Variants in ATP6V1H observed in about 807,000 individuals in gnomAD.
ATP6V1H encodes V-type proton ATPase subunit H.
In ATP6V1H, 39 loss-of-function variants were observed where a neutral mutation model predicts 71.7. The ratio of observed to expected loss-of-function variants is 0.54; its 90% CI spans 0.42 to 0.71. The LOEUF is 0.71. ATP6V1H is among the 30% of genes least tolerant of loss of function. The pLI is 0.00. For synonymous variants in ATP6V1H, 192 were observed against 199.3 expected (o/e 0.96, Z 0.31); for missense variants, 509 against 594.9 (o/e 0.86, Z 1.50).
In ATP6V1H at chr8:53,758,195, C is replaced by T. The variant is rs531931536; in HGVS notation, c.1176-1539G>A. On this transcript the variant is annotated intron_variant, in intron 11 of 13. Coordinates refer to ENST00000359530, the MANE Select transcript of ATP6V1H (RefSeq NM_015941.4). ...TAAAATTACATTAAATTTAATTCAA[C>T]TGAAACATTTTGATAATTTCAAAAA... Among the ~76,000 whole-genome samples the T allele has an allele frequency of 2.6e-5, 4 of 152,266 alleles. No homozygotes were observed. The South Asian group carries it at 8.3e-4, about 32-fold the overall frequency.
At chr8:53,829,314 T>G in intron 4 of ATP6V1H, 130 bp downstream of exon 4, 2 of 611,178 alleles carry the variant, frequency 3.3e-6, no homozygotes, top group South Asian at 3.8e-5. Flanking sequence ...CCCACATAAA[T>G]GAGAAAAATA....
At position 53,822,401 on chromosome 8, in the gene ATP6V1H, G is replaced by A. The variant is rs550604580; in HGVS notation, c.307-4871C>T. On this transcript the variant is annotated intron_variant, in intron 4 of 13. Transcript: ENST00000359530. ...AAATAGCCACTAAAAAATGAGAAGA[G>A]AGGAAAAGTAGAATAAGTTCATTGA... is the stretch of plus-strand genomic sequence containing the variant. 8.6e-5 allele frequency among the ~76,000 whole-genome samples: 13 copies of A among 151,934 alleles called. 1 individual carries two copies. Among genetic ancestry groups the A allele is most frequent in the Admixed American group, 7.2e-4 (11 of 15,252 alleles).
intron 8 of ATP6V1H, among the ~76,000 whole-genome samples, chr8:53,796,838 TATAA>T (rs1809758072): frequency 6.6e-6 from 1 of 152,256 alleles, no homozygotes; most frequent in Non-Finnish European, 1.5e-5. Context: ...GCTCTAATAA[TATAA>T]ATGTTTAAAA....
chr8:53,806,692 A>G, intron 7 of ATP6V1H: 1 of 366,702 alleles, frequency 2.7e-6, no homozygotes, highest in South Asian at 2.2e-5. Flanking sequence ...TATCAGTGCT[A>G]TACTTTGAAA....
intron 9 of ATP6V1H, 50 bp from the exon 10 acceptor site, chr8:53,772,217 G>A (rs754960356): frequency 2.5e-5 from 36 of 1,423,630 alleles, no homozygotes; most frequent in Non-Finnish European, 3.3e-5. Context: ...GTCATGTGAT[G>A]GATTCAGAGA....
intron 13 of ATP6V1H, chr8:53,739,698 T>C (rs1029735175): frequency 2.0e-5 from 3 of 152,234 alleles, no homozygotes; most frequent in Non-Finnish European, 4.4e-5. Flanking sequence ...ATTAGGTGTA[T>C]ATACACAAGT....
At chr8:53,833,112 G>C (rs1184760308) in intron 2 of ATP6V1H, 26 bp from the exon 3 acceptor site, 1 of 1,573,170 alleles carries the variant, frequency 6.4e-7, no homozygotes, top group Non-Finnish European at 8.7e-7. Flanking sequence ...AAGATGTTTT[G>C]TTCAGTAAGA....
intron 4 of ATP6V1H, among the ~76,000 whole-genome samples, chr8:53,819,619 T>C (rs1248625256): frequency 9.9e-5 from 10 of 100,920 alleles, no homozygotes; most frequent in South Asian, 3.3e-4. Context: ...TGTATATACA[T>C]ATATACATAT....
Position 53,775,856 on chromosome 8 carries a change from G to A in ATP6V1H, c.871-3689C>T, listed in dbSNP as rs575847533. On this transcript the variant is annotated intron_variant, in intron 9 of 13. Transcript: ENST00000359530. ...GCTTCACCCAGTGGGTCCCGCACTG[G>A]GGCTGCAGGTGGAGCTGCCTGCCAG... 4.6e-5 allele frequency among the ~76,000 whole-genome samples: 7 copies of A among 152,336 alleles called. 1 individual carries two copies. The South Asian group carries it at 1.4e-3, about 32-fold the overall frequency.
intron 6 of ATP6V1H, 70 bp from the exon 7 acceptor site, chr8:53,811,287 G>A: frequency 7.3e-7 from 1 of 1,371,082 alleles, no homozygotes; most frequent in Non-Finnish European, 1.0e-6. Flanking sequence ...GCTTACAAAA[G>A]GGAGCTAAGC....
chr8:53,779,608 T>G (rs1401806155), intron 9 of ATP6V1H, among the ~76,000 whole-genome samples: 1 of 151,758 alleles, frequency 6.6e-6, no homozygotes, highest in African/African-American at 2.4e-5. Context: ...ACCTGTTATT[T>G]CTTTCTAAAC....
At chr8:53,779,009 A>G (rs542007585) in intron 9 of ATP6V1H, among the ~76,000 whole-genome samples, 78 of 152,396 alleles carry the variant, frequency 5.1e-4, no homozygotes, top group African/African-American at 1.6e-3. Context: ...AAAATGTAGC[A>G]TTCATTGTGT....
At chr8:53,747,311 C>G (rs1306257381) in intron 12 of ATP6V1H, among the ~76,000 whole-genome samples, 2 of 152,086 alleles carry the variant, frequency 1.3e-5, no homozygotes, top group Non-Finnish European at 2.9e-5. Context: ...ATTTTTTAAT[C>G]TGTGTAGCAA....
intron 9 of ATP6V1H, among the ~76,000 whole-genome samples, chr8:53,775,499 T>C (rs1042337357): frequency 3.9e-5 from 6 of 152,188 alleles, no homozygotes; most frequent in Admixed American, 6.5e-5. Flanking sequence ...CTGAGCTACA[T>C]ACAAAGGTTC....
At chr8:53,784,170 G>A (rs200016437) in intron 9 of ATP6V1H, among the ~76,000 whole-genome samples, 51 of 152,146 alleles carry the variant, frequency 3.4e-4, no homozygotes, top group African/African-American at 1.2e-3. Context: ...TATTGTGTGG[G>A]AGTCTAAGTC....
intron 3 of ATP6V1H, among the ~76,000 whole-genome samples, chr8:53,830,581 A>T (rs1404740809): frequency 6.6e-6 from 1 of 152,150 alleles, no homozygotes; most frequent in Non-Finnish European, 1.5e-5. Flanking sequence ...TAAGTTGCCC[A>T]CGGTATTTCT....
intron 13 of ATP6V1H, among the ~76,000 whole-genome samples, chr8:53,740,793 A>T (rs1379147241): frequency 6.6e-6 from 1 of 152,228 alleles, no homozygotes; most frequent in East Asian, 1.9e-4. Flanking sequence ...TTTGCAAAAG[A>T]TTACTTTCCA....
intron 2 of ATP6V1H, among the ~76,000 whole-genome samples, chr8:53,836,711 G>T (rs1282028808): frequency 6.6e-6 from 1 of 152,160 alleles, no homozygotes; most frequent in Non-Finnish European, 1.5e-5. Flanking sequence ...TATTCCCTTG[G>T]ACTGTGAGTT....
At chr8:53,795,908 T>G (rs1809715515) in intron 8 of ATP6V1H, 69 bp from the exon 9 acceptor site, 1 of 1,410,196 alleles carries the variant, frequency 7.1e-7, no homozygotes, top group African/African-American at 1.4e-5. Flanking sequence ...GCAATTATTC[T>G]CTTTTTGCAC....
Sources: gnomAD v4.1 joint callset for allele counts (sites outside exome capture counted in the v4.1 genomes callset) on GRCh38, gnomAD v4.1.1 for gene constraint, MANE v1.5 for transcripts, NCBI Gene and HGNC (gene_info 2026-07-23, HGNC 2026-07-21) for gene names.